Variants in ZPBP observed in about 807,000 individuals in gnomAD.
The protein encoded by ZPBP is zona pellucida binding protein.
Under a neutral mutation model 44.8 loss-of-function variants are expected in ZPBP, and 26 were observed. That is an observed-to-expected ratio of 0.58 (90% CI 0.43 to 0.81). The LOEUF is 0.81. ZPBP is among the 30% of genes least tolerant of loss of function. ZPBP has a pLI of 0.00. For synonymous variants in ZPBP, 174 were observed against 153.2 expected (o/e 1.14, Z -1.00); for missense variants, 409 against 434.0 (o/e 0.94, Z 0.51).
intron 5 of ZPBP, among the ~76,000 whole-genome samples, chr7:50,021,358 T>C (rs1266230429): frequency 6.6e-6 from 1 of 152,044 alleles, no homozygotes; most frequent in Non-Finnish European, 1.5e-5. Flanking sequence ...ATAAAAATTA[T>C]GGAGCAGAAA....
intron 2 of ZPBP, among the ~76,000 whole-genome samples, chr7:49,867,559 G>A (rs1313581167): frequency 6.6e-6 from 1 of 152,188 alleles, no homozygotes; most frequent in Non-Finnish European, 1.5e-5. Flanking sequence ...GACTGAACAG[G>A]TAACTAAAGG....
intron 7 of ZPBP, among the ~76,000 whole-genome samples, chr7:49,966,834 G>T (rs1180183883): frequency 6.6e-6 from 1 of 152,028 alleles, no homozygotes; most frequent in Non-Finnish European, 1.5e-5. Context: ...GGGGTTATGT[G>T]GGAAAGTTCT....
chr7:49,965,994 C>T (rs1218112412), intron 7 of ZPBP, among the ~76,000 whole-genome samples: 3 of 151,950 alleles, frequency 2.0e-5, no homozygotes. Flanking sequence ...AGACAAAGTA[C>T]ATTTCAGAGG....
intron 6 of ZPBP, among the ~76,000 whole-genome samples, chr7:49,993,041 G>A (rs1476240): frequency 0.8 from 121,316 of 152,100 alleles, 48,532 homozygotes; most frequent in East Asian, 0.89. Flanking sequence ...TATTTCAGGA[G>A]TGTAAAATAA....
intron 2 of ZPBP, among the ~76,000 whole-genome samples, chr7:49,869,109 T>C (rs540933258): frequency 3.0e-4 from 45 of 152,302 alleles, no homozygotes; most frequent in African/African-American, 7.0e-4. Context: ...CTTTTTTTTT[T>C]CCATAAATAT....
At chr7:50,000,224 A>G (rs1030852236) in intron 6 of ZPBP, among the ~76,000 whole-genome samples, 5 of 152,202 alleles carry the variant, frequency 3.3e-5, no homozygotes, top group African/African-American at 7.2e-5. Flanking sequence ...TTAGTAATTA[A>G]TTGCAAAGCT....
At chr7:50,003,152 T>C (rs994494773) in intron 6 of ZPBP, among the ~76,000 whole-genome samples, 1 of 152,184 alleles carries the variant, frequency 6.6e-6, no homozygotes, top group African/African-American at 2.4e-5. Context: ...CATGAGTTGA[T>C]TCTTCTGGAT....
intron 2 of ZPBP, among the ~76,000 whole-genome samples, chr7:50,083,809 T>G (rs1445132132): frequency 6.6e-6 from 1 of 151,938 alleles, no homozygotes. Context: ...GATTTATACC[T>G]CTTACCGTAT....
At chr7:49,957,760 G>C (rs1281412102) in intron 7 of ZPBP, among the ~76,000 whole-genome samples, 1 of 152,168 alleles carries the variant, frequency 6.6e-6, no homozygotes, top group Non-Finnish European at 1.5e-5. Flanking sequence ...AGAATTGTGT[G>C]GTCAGAGTTT....
chr7:49,957,676 C>T (rs1795669562), intron 7 of ZPBP, among the ~76,000 whole-genome samples: 1 of 152,162 alleles, frequency 6.6e-6, no homozygotes, highest in Non-Finnish European at 1.5e-5. Flanking sequence ...TTGTGAACAA[C>T]CTAGGGGCCC....
intron 6 of ZPBP, among the ~76,000 whole-genome samples, chr7:49,987,611 A>C (rs962548034): frequency 6.6e-6 from 1 of 152,094 alleles, no homozygotes; most frequent in East Asian, 1.9e-4. Context: ...GCCTTGCTTT[A>C]AGCCTTTTTA....
At chr7:49,987,762 G>C (rs899911895) in intron 6 of ZPBP, among the ~76,000 whole-genome samples, 1 of 141,302 alleles carries the variant, frequency 7.1e-6, no homozygotes, top group Non-Finnish European at 1.5e-5. Flanking sequence ...GTGTGTGTGT[G>C]TGTGTGTGTG....
intron 2 of ZPBP, among the ~76,000 whole-genome samples, chr7:49,853,629 C>T (rs1790288453): frequency 6.6e-6 from 1 of 151,822 alleles, no homozygotes; most frequent in Non-Finnish European, 1.5e-5. Context: ...CTTTACGTAA[C>T]ATAAAGTATG....
intron 3 of ZPBP, among the ~76,000 whole-genome samples, chr7:50,079,641 T>C (rs576918322): frequency 8.2e-4 from 124 of 151,722 alleles, no homozygotes; most frequent in South Asian, 1.7e-3. Context: ...ATGTATAGAA[T>C]GGTAAATACA....
At chr7:49,932,830 C>G (rs996946385), downstream of ZPBP, among the ~76,000 whole-genome samples, 1 of 152,044 alleles carries the variant, frequency 6.6e-6, no homozygotes, top group Non-Finnish European at 1.5e-5. Context: ...AAGCAGTTTC[C>G]CCCATACTGT....
At chr7:50,027,913 A>G (rs1246361747) in intron 5 of ZPBP, among the ~76,000 whole-genome samples, 2 of 152,036 alleles carry the variant, frequency 1.3e-5, no homozygotes, top group African/African-American at 2.4e-5. Context: ...AGTTTGAATC[A>G]CTAATCAAAA....
At chr7:49,884,526 G>C (rs1437224635) in intron 2 of ZPBP, among the ~76,000 whole-genome samples, 1 of 152,136 alleles carries the variant, frequency 6.6e-6, no homozygotes, top group Non-Finnish European at 1.5e-5. Flanking sequence ...TGGATCCTGG[G>C]ATCCACTGAA....
intron 7 of ZPBP, among the ~76,000 whole-genome samples, chr7:49,940,133 C>A (rs1278872525): frequency 6.6e-6 from 1 of 152,250 alleles, no homozygotes; most frequent in African/African-American, 2.4e-5. Context: ...GAAAGCCAAA[C>A]CCTCTCTTTG....
At chr7:49,932,689 G>A (rs1175293590), downstream of ZPBP, among the ~76,000 whole-genome samples, 4 of 152,138 alleles carry the variant, frequency 2.6e-5, no homozygotes, top group Non-Finnish European at 4.4e-5. Context: ...TGAAATGTGA[G>A]GACATGAGAT....
Sources: allele counts gnomAD v4.1 joint callset (sites outside exome capture counted in the v4.1 genomes callset), GRCh38; gene constraint gnomAD v4.1.1; transcripts MANE v1.5; gene names NCBI Gene and HGNC (gene_info 2026-07-23, HGNC 2026-07-21).